The following SLC22A2 variants were observed in gnomAD, a reference collection of about 807,000 sequenced individuals.
The protein encoded by SLC22A2 is organic cation transporter 2.
SLC22A2 carries 46 observed loss-of-function variants against 60.5 expected under a neutral mutation model. The observed-to-expected ratio is 0.76, with a 90% CI of 0.60 to 0.97. SLC22A2 has a LOEUF of 0.97. Among genes scored for constraint, SLC22A2 ranks in the 50% least tolerant of loss-of-function variants. SLC22A2 has a pLI of 0.00. For missense variants in SLC22A2, 701 were observed against 706.6 expected (o/e 0.99, Z 0.09); for synonymous variants, 303 against 267.0 (o/e 1.13, Z -1.31).
intron 3 of SLC22A2, among the ~76,000 whole-genome samples, chr6:160,249,877 G>T (rs1783155535): frequency 6.6e-6 from 1 of 152,234 alleles, no homozygotes; most frequent in Non-Finnish European, 1.5e-5. Flanking sequence ...ATCAGCTAGT[G>T]CTGGCTGGCA....
At chr6:160,242,102 T>C (rs1456504363) in intron 8 of SLC22A2, among the ~76,000 whole-genome samples, 192 bp downstream of exon 8, 1 of 152,188 alleles carries the variant, frequency 6.6e-6, no homozygotes, top group Non-Finnish European at 1.5e-5. Context: ...GTTCTCACCA[T>C]GGCCTCTGTA....
intron 2 of SLC22A2, among the ~76,000 whole-genome samples, chr6:160,253,844 T>G (rs1783226071): frequency 6.6e-6 from 1 of 152,344 alleles, no homozygotes; most frequent in East Asian, 1.9e-4. Context: ...GCCAACTCTA[T>G]GTCCTGTGAT....
At chr6:160,250,385 A>G in intron 3 of SLC22A2, 163 bp downstream of exon 3, 1 of 661,858 alleles carries the variant, frequency 1.5e-6, no homozygotes, top group East Asian at 2.7e-5. Flanking sequence ...GGAATGCTGA[A>G]TGAGTTGATA....
chr6:160,245,329 C>T (rs1783072919), intron 6 of SLC22A2, 110 bp downstream of exon 6: 2 of 580,748 alleles, frequency 3.4e-6, no homozygotes, highest in Admixed American at 6.7e-5. Flanking sequence ...CATTGCTGCC[C>T]ACCGTCAGCG....
At chr6:160,245,590 G>C (rs1294363879) in intron 5 of SLC22A2, 45 bp from the exon 6 acceptor site, 3 of 1,218,188 alleles carry the variant, frequency 2.5e-6, no homozygotes, top group Non-Finnish European at 3.6e-6. Flanking sequence ...TTTAATGCTA[G>C]TGTCCCTGGG....
chr6:160,232,874 C>T (rs555333708), intron 9 of SLC22A2, among the ~76,000 whole-genome samples: 1 of 151,966 alleles, frequency 6.6e-6, no homozygotes, highest in East Asian at 1.9e-4. Flanking sequence ...AATCTTTTCC[C>T]ACGTAAGGCA....
chr6:160,237,423 T>G lies in SLC22A2; in HGVS notation c.1501+4051A>C, dbSNP rs538583077. Among the ~76,000 whole-genome samples the G allele has an allele frequency of 3.9e-5, 6 of 152,318 alleles. No homozygotes were observed. The South Asian group carries it at 6.2e-4, about 16-fold the overall frequency. On this transcript the variant is annotated intron_variant, in intron 9 of 10. Coordinates refer to ENST00000366953, the MANE Select transcript of SLC22A2 (RefSeq NM_003058.4). ...CAGGATAAGCTTACCAAATGTTTTC[T>G]TAAATTAAACTCTTATTAATCTTTC...
intron 10 of SLC22A2, among the ~76,000 whole-genome samples, chr6:160,222,323 G>A (rs1022733148): frequency 1.3e-4 from 20 of 152,174 alleles, no homozygotes; most frequent in African/African-American, 4.8e-4. Flanking sequence ...TACAGATGAG[G>A]AAACTGAGGC....
At position 160,251,064 on chromosome 6, in the gene SLC22A2, C is replaced by T. The variant is rs142623507; in HGVS notation, c.519-362G>A. Among the ~76,000 whole-genome samples, 85 of 152,314 alleles carry T rather than the reference C, an allele frequency of 5.6e-4. 1 individual carries two copies. The East Asian group carries it at 0.016, about 28-fold the overall frequency. ...TCTTACATCACCATGTGAGCTGCGG[C>T]CTTTGCACTAACAATTTCAACCAAT... is the stretch of plus-strand genomic sequence containing the variant. On this transcript the variant is annotated intron_variant, in intron 2 of 10. Transcript: ENST00000366953.
chr6:160,221,148 A>G (rs929354469), intron 10 of SLC22A2, among the ~76,000 whole-genome samples: 18 of 152,230 alleles, frequency 1.2e-4, no homozygotes, highest in South Asian at 1.0e-3. Context: ...CACCTTTATC[A>G]GTGATCTTTG....
At chr6:160,245,566 G>T in intron 5 of SLC22A2, 21 bp from the exon 6 acceptor site, 1 of 1,504,068 alleles carries the variant, frequency 6.6e-7, no homozygotes, top group Non-Finnish European at 9.2e-7. Context: ...GAATAGAAAG[G>T]ACGGCTTTGT....
chr6:160,244,518 G>A (rs1783060929), intron 6 of SLC22A2: 1 of 152,170 alleles, frequency 6.6e-6, no homozygotes, highest in African/African-American at 2.4e-5. Flanking sequence ...AAGACCAAGT[G>A]AGTACGGCCT....
intron 2 of SLC22A2, among the ~76,000 whole-genome samples, chr6:160,254,679 G>A (rs946720339): frequency 3.3e-5 from 5 of 152,272 alleles, no homozygotes; most frequent in East Asian, 3.9e-4. Flanking sequence ...GGCAATGACC[G>A]GCCAAGCTTC....
intron 9 of SLC22A2, among the ~76,000 whole-genome samples, chr6:160,227,689 C>A (rs562271865): frequency 6.6e-6 from 1 of 152,312 alleles, no homozygotes; most frequent in East Asian, 1.9e-4. Context: ...AACACAACAA[C>A]TTTCTCTTGA....
chr6:160,252,757 T>G (rs1783209117), intron 2 of SLC22A2, among the ~76,000 whole-genome samples: 1 of 152,212 alleles, frequency 6.6e-6, no homozygotes. Flanking sequence ...ATCTGAATTT[T>G]AGCAAGATCC....
At position 160,249,402 on chromosome 6, in the gene SLC22A2, A is replaced by G. The variant is rs753079178; in HGVS notation, c.674-18T>C. On this transcript the variant is annotated intron_variant, in intron 3 of 10. Coordinates refer to ENST00000366953, the MANE Select transcript of SLC22A2 (RefSeq NM_003058.4). ...TTCTGTAACTGCAGAGAGAATTTGA[A>G]TGGTTAATGCAATTCAATACAATAA... 10 of 1,608,076 alleles carry G rather than the reference A, an allele frequency of 6.2e-6. No individual in the cohort carries two copies. Among genetic ancestry groups the G allele is most frequent in the South Asian group, 1.1e-5 (1 of 90,622 alleles).
intron 2 of SLC22A2, among the ~76,000 whole-genome samples, chr6:160,253,704 G>A (rs1783223439): frequency 6.6e-6 from 1 of 152,128 alleles, no homozygotes; most frequent in African/African-American, 2.4e-5. Context: ...AAATTATATT[G>A]AAAGCAAGTG....
chr6:160,220,097 G>GCAT (rs1288204682), intron 10 of SLC22A2, among the ~76,000 whole-genome samples: 1 of 152,162 alleles, frequency 6.6e-6, no homozygotes, highest in Non-Finnish European at 1.5e-5. Context: ...CTATTTCATA[G>GCAT]CATTTTACCC....
In SLC22A2 at chr6:160,250,684, G is replaced by T; in HGVS notation, c.537C>A (p.Cys179Ter). The T allele has an allele frequency of 6.2e-7, 1 of 1,614,028 alleles. No homozygotes were observed. Among genetic ancestry groups the T allele is most frequent in the South Asian group, 1.1e-5 (1 of 91,052 alleles). The stretch of plus-strand genomic sequence containing the variant: ...CATTTATGAGGACTGTAGTTAGGAG[G>T]CAGAGCTTACGGCCAAACCTGCAGG... ...YIADRFGRKL[C>*]LLTTVLINAA... Residue 179 changes from cysteine (C) to a stop codon, truncating the protein, a stop_gained, in exon 3 of 11, where the codon TGC becomes TGA. Transcript: ENST00000366953. LOFTEE classifies it high-confidence loss of function.
Sources: allele counts gnomAD v4.1 joint callset (sites outside exome capture counted in the v4.1 genomes callset), GRCh38; gene constraint gnomAD v4.1.1; transcripts MANE v1.5; gene names NCBI Gene and HGNC (gene_info 2026-07-23, HGNC 2026-07-21).